UIMC1: variants seen among roughly 807,000 people sequenced by gnomAD.
UIMC1 encodes the protein ubiquitin interaction motif containing 1, also known as BRCA1-A complex subunit RAP80.
In UIMC1, 42 loss-of-function variants were observed where a neutral mutation model predicts 84.9. The observed-to-expected ratio is 0.49, with a 90% CI of 0.39 to 0.64. UIMC1 has a LOEUF of 0.64. UIMC1 is among the 30% of genes least tolerant of loss of function. The probability of loss-of-function intolerance (pLI) is 0.00; values close to 1 mark genes in which losing one functional copy is unlikely to be tolerated. For missense variants in UIMC1, 825 were observed against 847.6 expected, an observed-to-expected ratio of 0.97 and a Z score of 0.33; for synonymous variants, 281 against 293.0, an observed-to-expected ratio of 0.96 and a Z score of 0.42.
rs550613381 is a variant in UIMC1, at chr5:176,910,558, G to A, written c.1676+753C>T. ...CCCTTCCTCAGAATGAGCTTTCTCA[G>A]TCAAGCTGCAACACACAACCAAAAA... On this transcript the variant is annotated intron_variant, in intron 11 of 14. Transcript: ENST00000511320. Among the ~76,000 whole-genome samples the A allele has an allele frequency of 4.7e-5, 7 of 149,540 alleles. 2 individuals carry two copies. Among genetic ancestry groups the A allele is most frequent in the African/African-American group, 1.7e-4 (7 of 41,408 alleles).
chr5:176,924,016 T>C (rs1028102751), intron 10 of UIMC1, among the ~76,000 whole-genome samples: 1 of 149,462 alleles, frequency 6.7e-6, no homozygotes, highest in African/African-American at 2.5e-5. Context: ...CGTGAAAGAC[T>C]AGAATATCTA....
chr5:176,905,913 G>T (rs1032423006), intron 14 of UIMC1, 98 bp downstream of exon 14: 1 of 1,303,402 alleles, frequency 7.7e-7, no homozygotes, highest in East Asian at 2.3e-5. Context: ...GATTTCTACT[G>T]CAACAGTCTG....
chr5:176,946,861 C>G (rs1158289156), intron 9 of UIMC1, among the ~76,000 whole-genome samples: 1 of 152,082 alleles, frequency 6.6e-6, no homozygotes, highest in Non-Finnish European at 1.5e-5. Flanking sequence ...ATAGCAAAGC[C>G]ATTTGAGCAG....
intron 11 of UIMC1, among the ~76,000 whole-genome samples, chr5:176,909,032 A>G (rs1040023696): frequency 6.6e-6 from 1 of 152,230 alleles, no homozygotes; most frequent in African/African-American, 2.4e-5. Context: ...ATTAAGTGTA[A>G]TAGTTTTTTT....
intron 1 of UIMC1, among the ~76,000 whole-genome samples, chr5:176,991,747 A>G (rs1772873772): frequency 6.6e-6 from 1 of 151,698 alleles, no homozygotes; most frequent in Admixed American, 6.6e-5. Flanking sequence ...CCTGGCTAAC[A>G]CGGTGAAACC....
At chr5:176,958,523 T>G (rs1219075461) in intron 6 of UIMC1, among the ~76,000 whole-genome samples, 2 of 152,198 alleles carry the variant, frequency 1.3e-5, no homozygotes. Context: ...GTAAGTCAAA[T>G]GAATTATGAT....
intron 3 of UIMC1, among the ~76,000 whole-genome samples, chr5:176,973,813 G>A (rs1281309711): frequency 6.6e-6 from 1 of 152,010 alleles, no homozygotes; most frequent in East Asian, 1.9e-4. Context: ...TGAGATGAGA[G>A]GATCACTTGA....
chr5:176,925,389 G>A (rs952809420), intron 10 of UIMC1, among the ~76,000 whole-genome samples: 1 of 151,964 alleles, frequency 6.6e-6, no homozygotes, highest in East Asian at 1.9e-4. Flanking sequence ...CTCATAAACC[G>A]CTAGTGGGAA....
chr5:176,969,110 T>A lies in UIMC1; in HGVS notation c.645A>T (p.Lys215Asn), dbSNP rs143067257. ...SQPVFENVNV[K>N]SFDRCTGHSA... Reference sequence around the variant, plus strand: ...AGTGGCCAGTACATCTGTCAAAAGATTTAACGTTCACATTCTCAAACACTG... The same window carrying A: ...AGTGGCCAGTACATCTGTCAAAAGAATTAACGTTCACATTCTCAAACACTG... Residue 215 changes from lysine (K) to asparagine (N), a missense_variant, in exon 6 of 15, where the codon AAA becomes AAT. Coordinates refer to ENST00000511320, the MANE Select transcript of UIMC1 (RefSeq NM_001199298.2). 2.4e-5 allele frequency: 38 copies of A among 1,614,184 alleles called. No individual in the cohort carries two copies. The Admixed American group carries it at 4.0e-4, about 17-fold the overall frequency.
At chr5:176,948,534 T>C (rs1379525914) in intron 9 of UIMC1, among the ~76,000 whole-genome samples, 2 of 152,216 alleles carry the variant, frequency 1.3e-5, no homozygotes, top group African/African-American at 2.4e-5. Flanking sequence ...CTTAATGCCC[T>C]AGGAATCCAT....
intron 7 of UIMC1, among the ~76,000 whole-genome samples, chr5:176,957,747 A>G (rs1399081398): frequency 6.6e-6 from 1 of 152,246 alleles, no homozygotes; most frequent in Non-Finnish European, 1.5e-5. Flanking sequence ...GACTATAAAG[A>G]AATCAGTCTA....
At chr5:176,934,703 A>T (rs1485458153) in intron 10 of UIMC1, among the ~76,000 whole-genome samples, 3 of 152,210 alleles carry the variant, frequency 2.0e-5, no homozygotes, top group African/African-American at 7.2e-5. Context: ...ACTTGTTCTG[A>T]CTTGTACCCA....
intron 6 of UIMC1, among the ~76,000 whole-genome samples, chr5:176,964,646 C>T (rs946094468): frequency 2.0e-5 from 3 of 152,036 alleles, no homozygotes; most frequent in South Asian, 2.1e-4. Context: ...ATTAAAGATA[C>T]AAAAATAATA....
At chr5:176,915,787 A>C (rs1471968574) in intron 10 of UIMC1, among the ~76,000 whole-genome samples, 1 of 144,864 alleles carries the variant, frequency 6.9e-6, no homozygotes, top group East Asian at 2.1e-4. Context: ...GATCAAGGTC[A>C]CAAAGCAAAA....
Position 176,907,371 on chromosome 5 carries a change from A to G in UIMC1, c.1849-194T>C, listed in dbSNP as rs1237971993. 5 of 553,440 alleles carry G rather than the reference A, an allele frequency of 9.0e-6. No individual in the cohort carries two copies. The East Asian group carries it at 1.2e-4, about 13-fold the overall frequency. 34.3% of individuals were successfully genotyped at this position (553,440 alleles called of 1,614,324 possible). Reference sequence around the variant, plus strand: ...ACTATAATGAAGAGAATACATCGCTATGCCCAGAGTATCATGGATTTAAAA... The same window carrying G: ...ACTATAATGAAGAGAATACATCGCTGTGCCCAGAGTATCATGGATTTAAAA... On this transcript the variant is annotated intron_variant, in intron 12 of 14. Coordinates refer to ENST00000511320, the MANE Select transcript of UIMC1 (RefSeq NM_001199298.2).
chr5:176,961,959 G>A (rs1192647705), intron 6 of UIMC1, among the ~76,000 whole-genome samples: 12 of 52,186 alleles, frequency 2.3e-4, no homozygotes, highest in South Asian at 8.3e-4. Context: ...TCGGCCCCCC[G>A]CCCGGCCAGC....
chr5:176,909,023 TTAAGTG>T (rs1427705951), intron 11 of UIMC1, among the ~76,000 whole-genome samples: 1 of 152,222 alleles, frequency 6.6e-6, no homozygotes, highest in Non-Finnish European at 1.5e-5. Context: ...TCTTCCAAAA[TTAAGTG>T]TAATAGTTTT....
At chr5:176,940,632 T>A (rs1225865783) in intron 10 of UIMC1, among the ~76,000 whole-genome samples, 1 of 152,168 alleles carries the variant, frequency 6.6e-6, no homozygotes, top group Admixed American at 6.5e-5. Context: ...GCATCTAGAT[T>A]GCAGTCCTTC....
intron 1 of UIMC1, among the ~76,000 whole-genome samples, chr5:176,987,732 A>C (rs989750612): frequency 3.3e-5 from 5 of 151,884 alleles, no homozygotes; most frequent in Admixed American, 6.6e-5. Context: ...GCTAAGGAGG[A>C]GGGATCACCT....
Sources: allele counts gnomAD v4.1 joint callset (sites outside exome capture counted in the v4.1 genomes callset), GRCh38; gene constraint gnomAD v4.1.1; transcripts MANE v1.5; gene names NCBI Gene and HGNC (gene_info 2026-07-23, HGNC 2026-07-21).